The following RBMS1 variants were observed in gnomAD, a reference collection of about 807,000 sequenced individuals.
RBMS1 encodes RNA-binding motif, single-stranded-interacting protein 1.
A neutral mutation model predicts 62.3 loss-of-function variants in RBMS1; 17 were observed. The ratio of observed to expected loss-of-function variants is 0.27; its 90% CI spans 0.19 to 0.41. RBMS1 has a LOEUF of 0.41. RBMS1 is among the 10% of genes least tolerant of loss of function. RBMS1 has a pLI of 1.00. For missense variants in RBMS1, 334 were observed against 504.5 expected, an observed-to-expected ratio of 0.66 and a Z score of 3.24; for synonymous variants, 172 against 170.0, an observed-to-expected ratio of 1.01 and a Z score of -0.09.
rs565449663 is a variant in RBMS1, at chr2:160,426,297, AGAAGGAAG to A, written c.76-58914_76-58907del. ...AGAAAGAAAGAAAGAAAGAAAAGAAAGAAGGAAGGAAGGAAGGAAGGAAGGAAGGAAGG... is the reference window on the plus strand; with the variant it reads ...AGAAAGAAAGAAAGAAAGAAAAGAAAGAAGGAAGGAAGGAAGGAAGGAAGG... On this transcript the variant is annotated intron_variant, in intron 1 of 13. Coordinates refer to ENST00000348849, the MANE Select transcript of RBMS1 (RefSeq NM_016836.4). 5.5e-3 allele frequency among the ~76,000 whole-genome samples: 311 copies of A among 56,112 alleles called. 10 individuals carry two copies. Among genetic ancestry groups the A allele is most frequent in the East Asian group, 0.01 (14 of 1,400 alleles). The allele number at this position is 56,112 out of a possible 152,430, so 36.8% of individuals were successfully genotyped here.
intron 3 of RBMS1, among the ~76,000 whole-genome samples, chr2:160,316,735 C>T (rs1690243535): frequency 6.6e-6 from 1 of 152,108 alleles, no homozygotes; most frequent in African/African-American, 2.4e-5. Context: ...TTTTAACACA[C>T]TGAGCCGACA....
At chr2:160,300,781 T>C (rs1486449209) in intron 5 of RBMS1, 51 bp from the exon 6 acceptor site, 2 of 1,471,078 alleles carry the variant, frequency 1.4e-6, no homozygotes, top group Admixed American at 4.8e-5. Flanking sequence ...TTCTTAACTT[T>C]CATCTTGTTC....
chr2:160,351,240 T>A (rs935274978), intron 2 of RBMS1, among the ~76,000 whole-genome samples: 2 of 151,656 alleles, frequency 1.3e-5, no homozygotes, highest in Non-Finnish European at 2.9e-5. Context: ...GACAAGTTAA[T>A]GGGTGCAGCA....
intron 1 of RBMS1, among the ~76,000 whole-genome samples, chr2:160,425,266 C>CT (rs1682502721): frequency 6.6e-6 from 1 of 152,112 alleles, no homozygotes; most frequent in African/African-American, 2.4e-5. Context: ...ACAGTGAATC[C>CT]TTTTTAACCT....
chr2:160,346,962 C>T (rs185271674), intron 2 of RBMS1, among the ~76,000 whole-genome samples: 1 of 151,942 alleles, frequency 6.6e-6, no homozygotes, highest in African/African-American at 2.4e-5. Flanking sequence ...ATGAAAGAAA[C>T]TTCATTGTTT....
chr2:160,471,689 G>GTATATATATATATATATATA (rs1553532524), intron 1 of RBMS1, among the ~76,000 whole-genome samples: 1 of 23,840 alleles, frequency 4.2e-5, no homozygotes, highest in South Asian at 2.4e-3. Context: ...AAATCCTTTG[G>GTATATATATATATATATATA]TGTATATATA....
At chr2:160,353,920 C>T (rs1157121570) in intron 2 of RBMS1, among the ~76,000 whole-genome samples, 3 of 152,082 alleles carry the variant, frequency 2.0e-5, no homozygotes, top group Non-Finnish European at 4.4e-5. Flanking sequence ...AAGAACCCTA[C>T]GTTGCAGATA....
chr2:160,354,882 C>T (rs1326246389), intron 2 of RBMS1, among the ~76,000 whole-genome samples: 2 of 152,070 alleles, frequency 1.3e-5, no homozygotes, highest in Non-Finnish European at 2.9e-5. Flanking sequence ...AGTCCATGTG[C>T]CCTGGCAGCA....
chr2:160,385,946 G>C (rs1694548022), intron 1 of RBMS1, among the ~76,000 whole-genome samples: 1 of 152,160 alleles, frequency 6.6e-6, no homozygotes, highest in Non-Finnish European at 1.5e-5. Context: ...TAGGAACCTG[G>C]CTTCCAAACA....
At chr2:160,448,866 C>T (rs933610888) in intron 1 of RBMS1, among the ~76,000 whole-genome samples, 24 of 151,304 alleles carry the variant, frequency 1.6e-4, no homozygotes, top group African/African-American at 4.1e-4. Context: ...TCTGCCTGGC[C>T]GCCCATCGTC....
intron 1 of RBMS1, among the ~76,000 whole-genome samples, chr2:160,396,550 C>CTTTTTTTTTT (rs59600753): frequency 9.0e-5 from 7 of 77,854 alleles, no homozygotes; most frequent in South Asian, 6.0e-4. Flanking sequence ...TTCTTTTTAT[C>CTTTTTTTTTT]TTTTTTTTTT....
intron 2 of RBMS1, among the ~76,000 whole-genome samples, chr2:160,361,469 A>C (rs568279134): frequency 6.6e-6 from 1 of 152,374 alleles, no homozygotes; most frequent in South Asian, 2.1e-4. Context: ...TTCTTCTGCA[A>C]ACACAGGCAT....
At chr2:160,413,214 T>C (rs1263101183) in intron 1 of RBMS1, among the ~76,000 whole-genome samples, 1 of 152,194 alleles carries the variant, frequency 6.6e-6, no homozygotes, top group African/African-American at 2.4e-5. Context: ...GACTGCAACC[T>C]TTAATGCATA....
intron 5 of RBMS1, 55 bp from the exon 6 acceptor site, chr2:160,300,785 C>G: frequency 6.8e-7 from 1 of 1,462,344 alleles, no homozygotes; most frequent in Non-Finnish European, 9.1e-7. Flanking sequence ...TAACTTTCAT[C>G]TTGTTCGGTG....
chr2:160,411,990 A>G (rs947114643), intron 1 of RBMS1, among the ~76,000 whole-genome samples: 6 of 152,248 alleles, frequency 3.9e-5, no homozygotes, highest in African/African-American at 1.4e-4. Context: ...TCAAGAGCCT[A>G]GGTGCACTGA....
At chr2:160,461,282 A>G (rs1188981393) in intron 1 of RBMS1, among the ~76,000 whole-genome samples, 3 of 152,100 alleles carry the variant, frequency 2.0e-5, no homozygotes, top group Admixed American at 6.6e-5. Context: ...AGGGAGAGAA[A>G]GAAAGAGAGA....
At chr2:160,438,120 T>C (rs904067517) in intron 1 of RBMS1, among the ~76,000 whole-genome samples, 1 of 152,220 alleles carries the variant, frequency 6.6e-6, no homozygotes, top group East Asian at 1.9e-4. Context: ...AAGTCCTTTT[T>C]CTTTTCAGTA....
intron 3 of RBMS1, among the ~76,000 whole-genome samples, chr2:160,315,372 T>C (rs1690154816): frequency 6.6e-6 from 1 of 152,174 alleles, no homozygotes; most frequent in Non-Finnish European, 1.5e-5. Context: ...ATTATATAAA[T>C]AGGTGTAAAG....
chr2:160,471,716 T>TATATATATATATATATATATATAAAA (rs371634389), intron 1 of RBMS1, among the ~76,000 whole-genome samples: 3 of 76,234 alleles, frequency 3.9e-5, no homozygotes, highest in Non-Finnish European at 5.4e-5. Context: ...TATATATATA[T>TATATATATATATATATATATATAAAA]AACCTTTCAT....
Sources: gnomAD v4.1 joint callset for allele counts (sites outside exome capture counted in the v4.1 genomes callset) on GRCh38, gnomAD v4.1.1 for gene constraint, MANE v1.5 for transcripts, NCBI Gene and HGNC (gene_info 2026-07-23, HGNC 2026-07-21) for gene names.